KCNH8: variants seen among roughly 807,000 people sequenced by gnomAD.
The protein encoded by KCNH8 is voltage-gated delayed rectifier potassium channel KCNH8.
In KCNH8, 70 loss-of-function variants were observed where a neutral mutation model predicts 103.6. That is an observed-to-expected ratio of 0.68 (90% CI 0.56 to 0.82). KCNH8 has a LOEUF of 0.82. Ranked by LOEUF, KCNH8 falls within the 40% of genes least tolerant of loss-of-function variation. The pLI is 0.00. For synonymous variants in KCNH8, 498 were observed against 489.4 expected, an observed-to-expected ratio of 1.02 and a Z score of -0.23; for missense variants, 1,217 against 1,329.9, an observed-to-expected ratio of 0.92 and a Z score of 1.32.
At position 19,308,781 on chromosome 3, in the gene KCNH8, T is replaced by TCTCTCC. The variant is rs2065172149; in HGVS notation, c.442+27458_442+27463dup. ...CTCTCCCTCTCTCCCTCCCTCTCTC[T>TCTCTCC]CTCTCCCTCTCTCTCTCTCCCTTTC... On this transcript the variant is annotated intron_variant, in intron 3 of 15. Coordinates refer to ENST00000328405, the MANE Select transcript of KCNH8 (RefSeq NM_144633.3). 1.9e-5 allele frequency among the ~76,000 whole-genome samples: 2 copies of TCTCTCC among 105,002 alleles called. 1 individual carries two copies. The highest frequency in any genetic ancestry group is 6.1e-4 in the South Asian group (2 of 3,260). The allele number at this position is 105,002 out of a possible 152,430, so 68.9% of individuals were successfully genotyped here.
intron 1 of KCNH8, among the ~76,000 whole-genome samples, chr3:19,218,717 T>C (rs570657427): frequency 5.3e-5 from 8 of 152,300 alleles, no homozygotes; most frequent in African/African-American, 1.7e-4. Context: ...AAGTCTGAGA[T>C]CAAGGTGTCA....
rs183325880 is a variant in KCNH8 at position 19,398,797 on chromosome 3, T to C, written c.1177+3486T>C. The stretch of plus-strand genomic sequence containing the variant: ...TAAGTAACAGCTAGTATAATTCTCA[T>C]TATCATTGTATTATGACAATTACTT... On this transcript the variant is annotated intron_variant, in intron 7 of 15. Transcript: ENST00000328405. 3.3e-3 allele frequency among the ~76,000 whole-genome samples: 502 copies of C among 152,130 alleles called. 5 individuals carry two copies. Among genetic ancestry groups the C allele is most frequent in the African/African-American group, 0.011 (469 of 41,548 alleles).
At chr3:19,314,719 A>G (rs1250788827) in intron 3 of KCNH8, 1 of 154,136 alleles carries the variant, frequency 6.5e-6, no homozygotes, top group Non-Finnish European at 1.5e-5. Context: ...CAGGTGGCCC[A>G]TTGGTGAGCA....
chr3:19,498,223 T>A (rs540310928), intron 11 of KCNH8, among the ~76,000 whole-genome samples: 4 of 152,340 alleles, frequency 2.6e-5, no homozygotes, highest in African/African-American at 7.2e-5. Flanking sequence ...AAATGGAGCA[T>A]TTAGCGCATT....
chr3:19,387,060 C>T lies in KCNH8; in HGVS notation c.812-3421C>T, dbSNP rs1048670698. Among the ~76,000 whole-genome samples, 6 of 152,198 alleles carry T rather than the reference C, an allele frequency of 3.9e-5. No homozygotes were observed. In the East Asian group the frequency reaches 9.7e-4, roughly 24 times the overall value. ...TTATAAACATTGAGTTATCCTGGTT[C>T]GTGAACACCACCACCACATCCTCAC... On this transcript the variant is annotated intron_variant, in intron 5 of 15. Transcript: ENST00000328405.
Position 19,450,522 on chromosome 3 carries a change from T to A in KCNH8, c.1575+217T>A, listed in dbSNP as rs745645103. On this transcript the variant is annotated intron_variant, in intron 9 of 15. Coordinates refer to ENST00000328405, the MANE Select transcript of KCNH8 (RefSeq NM_144633.3). ...GATTGACCGAAGTTTTATATTAACT[T>A]GCTGCTTATTCGATCAGGTGGATTT... 1.7e-3 allele frequency: 958 copies of A among 553,852 alleles called. 5 individuals carry two copies. The highest frequency in any genetic ancestry group is 1.9e-3 in the Non-Finnish European group (575 of 309,690). 34.3% of individuals were successfully genotyped at this position (553,852 alleles called of 1,614,324 possible).
chr3:19,298,787 T>C (rs1446926451), intron 3 of KCNH8, among the ~76,000 whole-genome samples: 1 of 151,618 alleles, frequency 6.6e-6, no homozygotes, highest in Admixed American at 6.6e-5. Flanking sequence ...CCGGGCCTGG[T>C]GGCGGGTGCC....
intron 1 of KCNH8, among the ~76,000 whole-genome samples, chr3:19,201,215 T>G (rs972326855): frequency 1.3e-5 from 1 of 76,916 alleles, no homozygotes; most frequent in South Asian, 4.6e-4. Flanking sequence ...CTGGGTGAAG[T>G]AGCAAGACTC....
At chr3:19,439,835 GAAAA>G (rs1272331637) in intron 8 of KCNH8, among the ~76,000 whole-genome samples, 1 of 151,128 alleles carries the variant, frequency 6.6e-6, no homozygotes, top group Non-Finnish European at 1.5e-5. Flanking sequence ...AAATTGAAGA[GAAAA>G]AAGGGAATAG....
chr3:19,314,715 G>A (rs1186611350), intron 3 of KCNH8: 1 of 154,036 alleles, frequency 6.5e-6, no homozygotes, highest in African/African-American at 2.4e-5. Flanking sequence ...GAAACAGGTG[G>A]CCCATTGGTG....
At chr3:19,253,469 C>A (rs534212540) in intron 1 of KCNH8, among the ~76,000 whole-genome samples, 185 bp from the exon 2 acceptor site, 4 of 152,056 alleles carry the variant, frequency 2.6e-5, no homozygotes, top group Admixed American at 2.6e-4. Context: ...TAAGTCAGAA[C>A]TTAATGCATA....
chr3:19,297,675 A>G (rs2065013563), intron 3 of KCNH8, among the ~76,000 whole-genome samples: 1 of 152,192 alleles, frequency 6.6e-6, no homozygotes, highest in Admixed American at 6.5e-5. Context: ...TAATGTACCT[A>G]CAAACCTCTC....
At chr3:19,391,059 TA>T (rs2066430231) in intron 6 of KCNH8, among the ~76,000 whole-genome samples, 1 of 152,090 alleles carries the variant, frequency 6.6e-6, no homozygotes, top group Admixed American at 6.6e-5. Flanking sequence ...AGTATTTTGT[TA>T]TTCATTGGCA....
intron 11 of KCNH8, among the ~76,000 whole-genome samples, chr3:19,490,404 G>T (rs1162970450): frequency 6.6e-6 from 1 of 152,208 alleles, no homozygotes; most frequent in Non-Finnish European, 1.5e-5. Context: ...CATGTGAGAG[G>T]GTCGGGATTG....
chr3:19,154,515 C>G (rs1240779934), intron 1 of KCNH8, among the ~76,000 whole-genome samples: 1 of 152,210 alleles, frequency 6.6e-6, no homozygotes, highest in African/African-American at 2.4e-5. Context: ...CAGTCTAAAG[C>G]ACACTACAGT....
chr3:19,390,485 T>G lies in KCNH8; in HGVS notation c.816T>G (p.Ile272Met). ...IAVEILFIIDIILNFRTTYVS... is the reference protein window; with the variant it reads ...IAVEILFIIDMILNFRTTYVS... ...AACCTTTTTTTTCCCAAGCAGATAT[T>G]ATTTTAAATTTCCGAACAACTTATG... is the stretch of plus-strand genomic sequence containing the variant. The change falls in exon 6 of 16, where the codon ATT (isoleucine) becomes ATG (methionine). Residue 272 changes from isoleucine (I) to methionine (M), a missense_variant. Ile to Met is a conservative substitution (Grantham distance 10). Around this residue, in one of 3 missense-constraint regions of KCNH8, gnomAD observed 415 missense variants for 577.4 expected, o/e 0.72. Coordinates refer to ENST00000328405, the MANE Select transcript of KCNH8 (RefSeq NM_144633.3). 6.2e-7 allele frequency: 1 copy of G among 1,609,508 alleles called. No homozygotes were observed. Among genetic ancestry groups the G allele is most frequent in the Non-Finnish European group, 8.5e-7 (1 of 1,177,138 alleles).
chr3:19,398,653 G>C (rs2066561168), intron 7 of KCNH8, among the ~76,000 whole-genome samples: 1 of 151,884 alleles, frequency 6.6e-6, no homozygotes, highest in African/African-American at 2.4e-5. Context: ...GTTTCACTCT[G>C]CTTCATTTTC....
chr3:19,287,107 C>G (rs1278458091), intron 3 of KCNH8, among the ~76,000 whole-genome samples: 1 of 126,524 alleles, frequency 7.9e-6, no homozygotes, highest in Non-Finnish European at 1.7e-5. Flanking sequence ...GATGGTAATG[C>G]AAAAAAAAAA....
chr3:19,496,804 G>A (rs1485553109), intron 11 of KCNH8, among the ~76,000 whole-genome samples: 1 of 152,120 alleles, frequency 6.6e-6, no homozygotes, highest in African/African-American at 2.4e-5. Context: ...GAATTTGGCT[G>A]TGAATCCGTC....
Sources: allele counts gnomAD v4.1 joint callset (sites outside exome capture counted in the v4.1 genomes callset), GRCh38; gene constraint gnomAD v4.1.1; regional missense constraint gnomAD v4.1.1; transcripts MANE v1.5; gene names NCBI Gene and HGNC (gene_info 2026-07-23, HGNC 2026-07-21).